The following SMIM38 variants were observed in gnomAD, a reference collection of about 807,000 sequenced individuals.
SMIM38 encodes small integral membrane protein 38.
In SMIM38 at chr11:69,158,095, T is replaced by G; in HGVS notation, c.*93T>G. ...GAGGGAGGGGAGCAGGGCAGGCGCA[T>G]GATCCCCATGTCCCACCCCTGGGGC... On this transcript the variant is annotated 3_prime_UTR_variant, in exon 2 of 3. Transcript: ENST00000686237. 1 of 397,860 alleles carries G rather than the reference T, an allele frequency of 2.5e-6. No homozygotes were observed. The highest frequency in any genetic ancestry group is 4.4e-6 in the Non-Finnish European group (1 of 225,970). The allele number at this position is 397,860 out of a possible 1,614,324, so 24.6% of individuals were successfully genotyped here.
chr11:69,156,509 C>T (rs1856988501), intron 1 of SMIM38, among the ~76,000 whole-genome samples: 1 of 152,134 alleles, frequency 6.6e-6, no homozygotes, highest in African/African-American at 2.4e-5. Flanking sequence ...ACTTGGGGGG[C>T]AGAGCCTGTA....
At position 69,158,898 on chromosome 11, in the gene SMIM38, A is replaced by T. The variant is rs911828613; in HGVS notation, c.*896A>T. On this transcript the variant is annotated 3_prime_UTR_variant, in exon 2 of 3. Coordinates refer to ENST00000686237, the MANE Select transcript of SMIM38 (RefSeq NM_001369201.2). Reference sequence around the variant, plus strand: ...CTCCACATTCGAGCCTCTTGGGGGAAATTCGGCAAACACCCATGTCCAAGT... The same window carrying T: ...CTCCACATTCGAGCCTCTTGGGGGATATTCGGCAAACACCCATGTCCAAGT... 1 of 152,224 alleles carries T rather than the reference A, an allele frequency of 6.6e-6. No individual in the cohort carries two copies. The highest frequency in any genetic ancestry group is 1.5e-5 in the Non-Finnish European group (1 of 68,062). 9.4% of individuals were successfully genotyped at this position (152,224 alleles called of 1,614,324 possible). A position where few individuals can be genotyped will look rare whatever the true frequency, so the allele number is the denominator to read the frequency against.
Sources: gnomAD v4.1 joint callset for allele counts (sites outside exome capture counted in the v4.1 genomes callset) on GRCh38, gnomAD v4.1.1 for gene constraint, MANE v1.5 for transcripts, NCBI Gene and HGNC (gene_info 2026-07-23, HGNC 2026-07-21) for gene names.